Variants in RSPO2 observed in about 807,000 individuals in gnomAD.
The protein encoded by RSPO2 is R-spondin 2, also known as R-spondin-2.
RSPO2 carries 14 observed loss-of-function variants against 30.9 expected under a neutral mutation model. That is an observed-to-expected ratio of 0.45 (90% confidence interval 0.30 to 0.71). The LOEUF is 0.71. Ranked by LOEUF, RSPO2 falls within the 30% of genes least tolerant of loss-of-function variation. The pLI is 0.08. For missense variants in RSPO2, 264 were observed against 301.9 expected (o/e 0.87, Z 0.93); for synonymous variants, 107 against 96.4 (o/e 1.11, Z -0.64).
At chr8:107,965,625 G>A (rs559168035) in intron 3 of RSPO2, among the ~76,000 whole-genome samples, 4 of 151,822 alleles carry the variant, frequency 2.6e-5, no homozygotes, top group Non-Finnish European at 5.9e-5. Flanking sequence ...ACCAATTTCT[G>A]TCCTGCCATT....
At chr8:108,030,013 T>A (rs2514837) in intron 2 of RSPO2, among the ~76,000 whole-genome samples, 58,521 of 150,848 alleles carry the variant, frequency 0.39, 12,005 homozygotes, top group African/African-American at 0.53. Flanking sequence ...ACATTTTTTT[T>A]AAATAACAGA....
chr8:107,952,342 C>T (rs1813281492), intron 5 of RSPO2, among the ~76,000 whole-genome samples: 1 of 151,392 alleles, frequency 6.6e-6, no homozygotes, highest in Non-Finnish European at 1.5e-5. Context: ...TCCATGTAGC[C>T]GGAGTACCTG....
intron 2 of RSPO2, among the ~76,000 whole-genome samples, chr8:108,023,366 C>A (rs1188925108): frequency 1.3e-5 from 2 of 152,126 alleles, no homozygotes; most frequent in Admixed American, 1.3e-4. Context: ...TTAGAAAGCA[C>A]CAGCTTCTGG....
intron 2 of RSPO2, among the ~76,000 whole-genome samples, chr8:108,037,415 T>C (rs997136832): frequency 1.3e-5 from 2 of 152,258 alleles, no homozygotes; most frequent in African/African-American, 4.8e-5. Flanking sequence ...GAAGTTAAAT[T>C]TGAAGCTAGC....
chr8:108,081,381 A>G, intron 2 of RSPO2, among the ~76,000 whole-genome samples: 1 of 152,224 alleles, frequency 6.6e-6, no homozygotes, highest in East Asian at 1.9e-4. Flanking sequence ...CACATCACAG[A>G]TCGAGTGAGA....
At chr8:108,060,365 T>G (rs2443773) in intron 2 of RSPO2, among the ~76,000 whole-genome samples, 94,024 of 151,614 alleles carry the variant, frequency 0.62, 31,157 homozygotes, top group African/African-American at 0.88. Flanking sequence ...GAAAAACATG[T>G]CAGGAGAACT....
At chr8:107,962,982 C>T (rs541429439) in intron 3 of RSPO2, among the ~76,000 whole-genome samples, 1 of 152,180 alleles carries the variant, frequency 6.6e-6, no homozygotes, top group South Asian at 2.1e-4. Context: ...ACTTGTAGCT[C>T]CCTTTCCTCA....
chr8:108,035,407 G>A (rs191639937), intron 2 of RSPO2, among the ~76,000 whole-genome samples: 2 of 152,168 alleles, frequency 1.3e-5, no homozygotes, highest in Admixed American at 6.5e-5. Context: ...CAAATTTATA[G>A]TGACTGTTGA....
intron 4 of RSPO2, among the ~76,000 whole-genome samples, chr8:107,958,608 C>T (rs1381141655): frequency 6.6e-6 from 1 of 152,080 alleles, no homozygotes; most frequent in Non-Finnish European, 1.5e-5. Flanking sequence ...TAAACATGTG[C>T]CATGGTGGTT....
intron 2 of RSPO2, among the ~76,000 whole-genome samples, chr8:108,062,659 C>A (rs4735037): frequency 6.6e-6 from 1 of 151,526 alleles, no homozygotes; most frequent in African/African-American, 2.4e-5. Flanking sequence ...CAGAAAAAGA[C>A]GGAATCCTCC....
chr8:107,965,682 G>A (rs1304444443), intron 3 of RSPO2, among the ~76,000 whole-genome samples: 1 of 151,852 alleles, frequency 6.6e-6, no homozygotes, highest in South Asian at 2.1e-4. Context: ...TCCTAACACA[G>A]TATTGGAAAC....
chr8:108,001,424 A>G (rs538986475), intron 2 of RSPO2, among the ~76,000 whole-genome samples: 2 of 152,254 alleles, frequency 1.3e-5, no homozygotes, highest in African/African-American at 2.4e-5. Context: ...TTTTCCCCCT[A>G]GAAACTCTTT....
intron 3 of RSPO2, among the ~76,000 whole-genome samples, chr8:107,965,714 C>T (rs1471387589): frequency 1.3e-5 from 2 of 152,022 alleles, no homozygotes; most frequent in Middle Eastern, 3.4e-3. Flanking sequence ...TTAATGCTTG[C>T]TAAGTAAATG....
chr8:107,941,507 G>A (rs1449304927), intron 5 of RSPO2, among the ~76,000 whole-genome samples: 1 of 151,928 alleles, frequency 6.6e-6, no homozygotes, highest in Admixed American at 6.6e-5. Flanking sequence ...TGTGTTTTGG[G>A]GCTTCTTCTG....
At chr8:107,975,365 A>T (rs1242115590) in intron 3 of RSPO2, among the ~76,000 whole-genome samples, 2 of 152,200 alleles carry the variant, frequency 1.3e-5, no homozygotes, top group African/African-American at 2.4e-5. Context: ...GTTCAGTAAC[A>T]ACAAACATAG....
intron 2 of RSPO2, among the ~76,000 whole-genome samples, chr8:108,062,275 T>C (rs369361786): frequency 1.3e-5 from 2 of 151,722 alleles, no homozygotes; most frequent in Non-Finnish European, 2.9e-5. Flanking sequence ...ATCAACAAAA[T>C]TGATAGCCTG....
intron 2 of RSPO2, among the ~76,000 whole-genome samples, chr8:108,074,492 T>C (rs764751910): frequency 3.2e-4 from 49 of 152,176 alleles, no homozygotes; most frequent in Non-Finnish European, 4.6e-4. Context: ...CAAAAATAAT[T>C]TTAAAAATTA....
At chr8:107,988,702 A>G (rs1294592038) in intron 3 of RSPO2, among the ~76,000 whole-genome samples, 1 of 152,078 alleles carries the variant, frequency 6.6e-6, no homozygotes, top group Non-Finnish European at 1.5e-5. Flanking sequence ...ATCTCAGCTC[A>G]CTGCAACCTC....
intron 5 of RSPO2, among the ~76,000 whole-genome samples, chr8:107,913,188 A>T (rs921170032): frequency 6.6e-6 from 1 of 152,168 alleles, no homozygotes; most frequent in African/African-American, 2.4e-5. Flanking sequence ...GAACTTATGT[A>T]GTCTGGTCCC....
Sources: gnomAD v4.1 joint callset for allele counts (sites outside exome capture counted in the v4.1 genomes callset) on GRCh38, gnomAD v4.1.1 for gene constraint, MANE v1.5 for transcripts, NCBI Gene and HGNC (gene_info 2026-07-23, HGNC 2026-07-21) for gene names.